The following BNC2 variants were observed in gnomAD, a reference collection of about 807,000 sequenced individuals.
The protein encoded by BNC2 is basonuclin zinc finger protein 2.
BNC2 carries 20 observed loss-of-function variants against 76.3 expected under a neutral mutation model. The observed-to-expected ratio is 0.26, with a 90% CI of 0.18 to 0.38. The LOEUF (loss-of-function observed/expected upper bound fraction) is 0.38, where lower values mean the gene tolerates loss of function less well. Among genes scored for constraint, BNC2 ranks in the 10% least tolerant of loss-of-function variants. The pLI, the probability that BNC2 is intolerant of heterozygous loss-of-function variation, is 1.00. For synonymous variants in BNC2, 582 were observed against 514.8 expected, an observed-to-expected ratio of 1.13 and a Z score of -1.77; for missense variants, 1,382 against 1,399.8, an observed-to-expected ratio of 0.99 and a Z score of 0.20.
At position 16,418,113 on chromosome 9, in the gene BNC2, T is replaced by C. The variant is rs1216018165; in HGVS notation, c.*876A>G. ...GACACTTACTGAAGTATGGCAATAG[T>C]TTAAGGATAAAAAAGAAGCATGGTT... On this transcript the variant is annotated 3_prime_UTR_variant, in exon 7 of 7. Coordinates refer to ENST00000380672, the MANE Select transcript of BNC2 (RefSeq NM_017637.6). 4 of 152,602 alleles carry C rather than the reference T, an allele frequency of 2.6e-5. No individual in the cohort carries two copies. Among genetic ancestry groups the C allele is most frequent in the African/African-American group, 7.2e-5 (3 of 41,410 alleles). The allele number at this position is 152,602 out of a possible 1,614,324, so 9.5% of individuals were successfully genotyped here.
At chr9:16,845,644 T>C (rs554434951) in intron 1 of BNC2, among the ~76,000 whole-genome samples, 224 of 151,296 alleles carry the variant, frequency 1.5e-3, no homozygotes, top group Non-Finnish European at 2.6e-3. Flanking sequence ...TGGCGTGAAC[T>C]TGAGAGGCGG....
intron 1 of BNC2, among the ~76,000 whole-genome samples, chr9:16,743,820 A>C (rs1033288748): frequency 6.6e-6 from 1 of 152,184 alleles, no homozygotes; most frequent in East Asian, 1.9e-4. Context: ...GTAAACCATA[A>C]AGAGGCTTAT....
At chr9:16,658,933 C>T (rs981768414) in intron 3 of BNC2, among the ~76,000 whole-genome samples, 2 of 152,190 alleles carry the variant, frequency 1.3e-5, no homozygotes, top group African/African-American at 4.8e-5. Flanking sequence ...TTAAAATCAT[C>T]AACTAGGATC....
chr9:16,487,182 G>C (rs1822182394), intron 5 of BNC2, among the ~76,000 whole-genome samples: 2 of 152,300 alleles, frequency 1.3e-5, no homozygotes, highest in Admixed American at 6.5e-5. Flanking sequence ...AGAACAACTA[G>C]AAGCACAGTC....
intron 1 of BNC2, among the ~76,000 whole-genome samples, chr9:16,858,391 C>A (rs1027220278): frequency 3.3e-5 from 5 of 152,170 alleles, no homozygotes; most frequent in Non-Finnish European, 7.4e-5. Flanking sequence ...TGACATATTT[C>A]TTGTCCCCTG....
intron 4 of BNC2, among the ~76,000 whole-genome samples, chr9:16,556,212 C>T (rs1818826245): frequency 6.6e-6 from 1 of 151,974 alleles, no homozygotes; most frequent in South Asian, 2.1e-4. Flanking sequence ...ACTGCTTGGG[C>T]CCTGGGGGTC....
chr9:16,861,229 T>C (rs1367025568), intron 1 of BNC2, among the ~76,000 whole-genome samples: 2 of 149,334 alleles, frequency 1.3e-5, no homozygotes, highest in East Asian at 4.0e-4. Context: ...TGGCTTGCAC[T>C]TGTAGTCCCA....
At chr9:16,641,648 G>A (rs2133855763) in intron 3 of BNC2, among the ~76,000 whole-genome samples, 1 of 152,280 alleles carries the variant, frequency 6.6e-6, no homozygotes, top group South Asian at 2.1e-4. Flanking sequence ...TATCACATAA[G>A]TGTCTGAAAT....
At chr9:16,845,976 C>T (rs1017440796) in intron 1 of BNC2, among the ~76,000 whole-genome samples, 47 of 151,798 alleles carry the variant, frequency 3.1e-4, no homozygotes, top group Middle Eastern at 3.4e-3. Context: ...GGTGAAACCC[C>T]GTCTCTACTA....
At chr9:16,634,925 A>G (rs1028496931) in intron 3 of BNC2, among the ~76,000 whole-genome samples, 1 of 152,060 alleles carries the variant, frequency 6.6e-6, no homozygotes, top group Non-Finnish European at 1.5e-5. Context: ...AACACCAGCA[A>G]TTTCCTTACA....
chr9:16,492,427 C>T (rs1376123654), intron 5 of BNC2, among the ~76,000 whole-genome samples: 1 of 152,166 alleles, frequency 6.6e-6, no homozygotes, highest in Non-Finnish European at 1.5e-5. Context: ...ATGCTTAAAA[C>T]ATGTAGTTTG....
At chr9:16,429,790 T>A (rs1820870458) in intron 6 of BNC2, 2 of 370,414 alleles carry the variant, frequency 5.4e-6, no homozygotes, top group African/African-American at 4.2e-5. Flanking sequence ...TGTGGTCTAT[T>A]TGGTGCACAG....
chr9:16,695,523 T>A (rs2134478204), intron 3 of BNC2, among the ~76,000 whole-genome samples: 1 of 126,954 alleles, frequency 7.9e-6, no homozygotes, highest in Non-Finnish European at 1.7e-5. Flanking sequence ...CTAAATTTTT[T>A]TCTTTTTCTT....
chr9:16,813,110 ATCAC>A, intron 1 of BNC2, among the ~76,000 whole-genome samples: 4 of 152,018 alleles, frequency 2.6e-5, no homozygotes, highest in African/African-American at 9.7e-5. Flanking sequence ...AGGCAGGAGA[ATCAC>A]TGGAACCCTG....
intron 3 of BNC2, among the ~76,000 whole-genome samples, chr9:16,695,354 T>C (rs1396346469): frequency 6.6e-6 from 1 of 152,054 alleles, no homozygotes; most frequent in Non-Finnish European, 1.5e-5. Context: ...TGGGATGCAG[T>C]GATGTGCATT....
At chr9:16,621,049 ATTG>A (rs1211460056) in intron 3 of BNC2, among the ~76,000 whole-genome samples, 1 of 152,212 alleles carries the variant, frequency 6.6e-6, no homozygotes, top group Non-Finnish European at 1.5e-5. Context: ...CCAAGATCAA[ATTG>A]AGCCTGGTGA....
chr9:16,828,494 G>C (rs904510563), intron 1 of BNC2, among the ~76,000 whole-genome samples: 2 of 152,146 alleles, frequency 1.3e-5, no homozygotes. Flanking sequence ...AATACGTTCT[G>C]AAGCTTAACT....
chr9:16,807,090 C>T (rs1817934729), intron 1 of BNC2, among the ~76,000 whole-genome samples: 2 of 152,258 alleles, frequency 1.3e-5, no homozygotes, highest in African/African-American at 4.8e-5. Flanking sequence ...CTATGACTAA[C>T]AATTTCCATT....
At position 16,417,001 on chromosome 9, in the gene BNC2, G is replaced by C. The variant is rs1034023347; in HGVS notation, c.*1988C>G. On this transcript the variant is annotated 3_prime_UTR_variant, in exon 7 of 7. Transcript: ENST00000380672. Reference sequence around the variant, plus strand: ...GAAACGACATAAAAGTTAAAATAAAGGGATATTTCTAACTTTTAGACTGAT... The same window carrying C: ...GAAACGACATAAAAGTTAAAATAAACGGATATTTCTAACTTTTAGACTGAT... 3.9e-5 allele frequency: 6 copies of C among 152,464 alleles called. No homozygotes were observed. Among genetic ancestry groups the C allele is most frequent in the African/African-American group, 1.2e-4 (5 of 41,400 alleles). The allele number at this position is 152,464 out of a possible 1,614,324, so 9.4% of individuals were successfully genotyped here.
Sources: allele counts gnomAD v4.1 joint callset (sites outside exome capture counted in the v4.1 genomes callset), GRCh38; gene constraint gnomAD v4.1.1; transcripts MANE v1.5; gene names NCBI Gene and HGNC (gene_info 2026-07-23, HGNC 2026-07-21).